The following PARP1 variants were observed in gnomAD, a reference collection of about 807,000 sequenced individuals.
PARP1 encodes poly(ADP-ribose) polymerase 1.
Under a neutral mutation model 118.7 loss-of-function variants are expected in PARP1, and 44 were observed. That is an observed-to-expected ratio of 0.37 (90% CI 0.29 to 0.48). PARP1 has a LOEUF of 0.48. Ranked by LOEUF, PARP1 falls within the 20% of genes least tolerant of loss-of-function variation. The pLI is 0.99. For synonymous variants in PARP1, 492 were observed against 483.2 expected, an observed-to-expected ratio of 1.02 and a Z score of -0.24; for missense variants, 1,100 against 1,272.4, an observed-to-expected ratio of 0.86 and a Z score of 2.06.
chr1:226,394,864 T>C (rs937596852), intron 2 of PARP1, among the ~76,000 whole-genome samples: 1 of 152,234 alleles, frequency 6.6e-6, no homozygotes, highest in Non-Finnish European at 1.5e-5. Context: ...CTAACTTCTC[T>C]GTGCCTGAAC....
rs532306651 is a variant in PARP1 at position 226,381,519 on chromosome 1, T to C, written c.1160-311A>G. 1.5e-3 allele frequency among the ~76,000 whole-genome samples: 234 copies of C among 152,262 alleles called. 1 individual carries two copies. Among genetic ancestry groups the C allele is most frequent in the Admixed American group, 8.5e-4 (13 of 15,306 alleles). On this transcript the variant is annotated intron_variant, in intron 8 of 22. Coordinates refer to ENST00000366794, the MANE Select transcript of PARP1 (RefSeq NM_001618.4). ...AAGGTCAGGCTAGGAAGGCTGCATC[T>C]GCGGACGAGGGACCAGGAGGCTGGA...
chr1:226,380,987 G>T (rs974320382), intron 9 of PARP1, 81 bp downstream of exon 9: 2 of 1,507,218 alleles, frequency 1.3e-6, no homozygotes, highest in South Asian at 1.1e-5. Context: ...CGCTGTGTTC[G>T]ACTCTTCCTC....
intron 1 of PARP1, among the ~76,000 whole-genome samples, chr1:226,407,294 A>G (rs1665167514): frequency 6.6e-6 from 1 of 152,088 alleles, no homozygotes; most frequent in South Asian, 2.1e-4. Flanking sequence ...ACCTTTCTGC[A>G]TAGTTCTGCC....
At chr1:226,372,110 C>T (rs1383491570) in intron 14 of PARP1, among the ~76,000 whole-genome samples, 2 of 152,222 alleles carry the variant, frequency 1.3e-5, no homozygotes, top group African/African-American at 2.4e-5. Context: ...CGTGACTGCC[C>T]GGAACCCATT....
rs762714372 is a variant in PARP1, at chr1:226,370,478, T to C, written c.2110A>G (p.Arg704Gly). 6.2e-7 allele frequency: 1 copy of C among 1,613,932 alleles called. No individual in the cohort carries two copies. Among genetic ancestry groups the C allele is most frequent in the Non-Finnish European group, 8.5e-7 (1 of 1,179,872 alleles). Residue 704 changes from arginine (R) to glycine (G), a missense_variant, in exon 15 of 23, where the codon AGG becomes GGG. Around this residue, in one of 2 missense-constraint regions of PARP1, gnomAD observed 948 missense variants for 1,031.8 expected, o/e 0.92. Transcript: ENST00000366794. ...ATGGAGTATGCGGCCTGGATCTGCCTTTTGCTCAGCTTCCCCAAGGGCATC... is the reference window on the plus strand; with the variant it reads ...ATGGAGTATGCGGCCTGGATCTGCCCTTTGCTCAGCTTCCCCAAGGGCATC... The part of the protein sequence containing the change: ...QKMPLGKLSK[R>G]QIQAAYSILS...
At chr1:226,403,160 C>T (rs1264003780) in intron 1 of PARP1, among the ~76,000 whole-genome samples, 1 of 152,216 alleles carries the variant, frequency 6.6e-6, no homozygotes, top group Non-Finnish European at 1.5e-5. Context: ...TTCATTGTGA[C>T]AGGGTCAGGT....
In PARP1 at chr1:226,365,988, G is replaced by A. The variant is rs1324741810; in HGVS notation, c.2471C>T (p.Thr824Ile). 1.2e-6 allele frequency: 2 copies of A among 1,612,774 alleles called. No homozygotes were observed. Among genetic ancestry groups the A allele is most frequent in the Non-Finnish European group, 1.7e-6 (2 of 1,178,902 alleles). Residue 824 changes from threonine to isoleucine, a missense_variant, in exon 18 of 23, where the codon ACC (threonine) becomes ATC (isoleucine). This residue lies in a region of PARP1 where 948 missense variants were observed against 1,031.8 expected (regional missense o/e 0.92). Transcript: ENST00000366794. ...IRKYVKNTHA[T>I]THNAYDLEVI... ...TTCCAAGTCATACGCATTGTGTGTG[G>A]TTGCATGAGTGTTCTTAACATACTT...
intron 18 of PARP1, among the ~76,000 whole-genome samples, chr1:226,365,584 T>C (rs932751747): frequency 3.9e-5 from 6 of 152,148 alleles, no homozygotes; most frequent in South Asian, 2.1e-4. Context: ...CTGGCCAACA[T>C]AGTGAATCCC....
Position 226,381,063 on chromosome 1 carries a change from C to T in PARP1, c.1300+5G>A. 1 of 1,614,220 alleles carries T rather than the reference C, an allele frequency of 6.2e-7. No individual in the cohort carries two copies. The highest frequency in any genetic ancestry group is 8.5e-7 in the Non-Finnish European group (1 of 1,180,024). On this transcript the variant is annotated splice_donor_5th_base_variant and intron_variant, in intron 9 of 22. Transcript: ENST00000366794. The stretch of plus-strand genomic sequence containing the variant: ...CCCTGTTGCACAAATTCAGATTCAA[C>T]TCACTTTTGGTGCTGATGCACAGGG...
chr1:226,384,964 GCCCCACAAAGATACTGCTAGAA>G (rs1452472951), intron 7 of PARP1, among the ~76,000 whole-genome samples: 1 of 152,182 alleles, frequency 6.6e-6, no homozygotes, highest in African/African-American at 2.4e-5. Context: ...GGAGCAGCCA[GCCCCACAAAGATACTGCTAGAA>G]CCCCACCAGC....
chr1:226,402,010 T>C, intron 2 of PARP1: 1 of 1,489,786 alleles, frequency 6.7e-7, no homozygotes, highest in African/African-American at 1.4e-5. Flanking sequence ...TCCAAGCACC[T>C]GGAAAAACAA....
At chr1:226,371,318 T>C (rs1271721500) in intron 14 of PARP1, among the ~76,000 whole-genome samples, 1 of 152,202 alleles carries the variant, frequency 6.6e-6, no homozygotes, top group Non-Finnish European at 1.5e-5. Flanking sequence ...CTGAGCTCCC[T>C]GGGGGCCGTG....
intron 2 of PARP1, among the ~76,000 whole-genome samples, chr1:226,398,697 A>G (rs2102745303): frequency 6.6e-6 from 1 of 152,364 alleles, no homozygotes; most frequent in Non-Finnish European, 1.5e-5. Context: ...GCCAAAATCC[A>G]AAACAATGAT....
chr1:226,380,926 T>TC, intron 9 of PARP1, 142 bp downstream of exon 9: 1 of 916,456 alleles, frequency 1.1e-6, no homozygotes, highest in South Asian at 1.4e-5. Flanking sequence ...AATACTGGTT[T>TC]CCCTTCATAA....
intron 1 of PARP1, among the ~76,000 whole-genome samples, chr1:226,403,205 T>A (rs527352257): frequency 3.9e-4 from 60 of 152,342 alleles, no homozygotes; most frequent in Non-Finnish European, 6.9e-4. Flanking sequence ...TCTGGCTTTG[T>A]TTTTGAGACC....
intron 5 of PARP1, among the ~76,000 whole-genome samples, chr1:226,387,739 G>A (rs1432209700): frequency 2.0e-5 from 3 of 152,096 alleles, no homozygotes; most frequent in Admixed American, 6.5e-5. Flanking sequence ...GAACGCTGAG[G>A]GGCATTTTAA....
Position 226,363,137 on chromosome 1 carries a change from T to G in PARP1, c.2810A>C (p.His937Pro). 6.2e-7 allele frequency: 1 copy of G among 1,613,744 alleles called. No individual in the cohort carries two copies. The highest frequency in any genetic ancestry group is 1.3e-5 in the African/African-American group (1 of 75,038). Reference sequence around the variant, plus strand: ...CTTGCCCTTGGGTAACTTGCTGATATGTGAAGCGTGCTTCAGTTCATACCT... The same window carrying G: ...CTTGCCCTTGGGTAACTTGCTGATAGGTGAAGCGTGCTTCAGTTCATACCT... ...GNMYELKHASHISKLPKGKHS... is the reference protein window; with the variant it reads ...GNMYELKHASPISKLPKGKHS... Residue 937 changes from histidine (H) to proline (P), a missense_variant, in exon 21 of 23, where the codon CAT becomes CCT. By Grantham distance (77) the His-to-Pro change is moderately conservative. Around this residue, in one of 2 missense-constraint regions of PARP1, gnomAD observed 152 missense variants for 240.6 expected, o/e 0.63. Coordinates refer to ENST00000366794, the MANE Select transcript of PARP1 (RefSeq NM_001618.4).
At chr1:226,395,661 AG>A (rs1664899710) in intron 2 of PARP1, among the ~76,000 whole-genome samples, 1 of 152,220 alleles carries the variant, frequency 6.6e-6, no homozygotes, top group Non-Finnish European at 1.5e-5. Flanking sequence ...CAAAAAACAA[AG>A]TGCAGAAACC....
At chr1:226,369,137 C>G (rs1279088166) in intron 15 of PARP1, among the ~76,000 whole-genome samples, 1 of 152,226 alleles carries the variant, frequency 6.6e-6, no homozygotes, top group Non-Finnish European at 1.5e-5. Context: ...TGGGAAGAAG[C>G]TGGGGCCGAG....
Sources: allele counts gnomAD v4.1 joint callset (sites outside exome capture counted in the v4.1 genomes callset), GRCh38; gene constraint gnomAD v4.1.1; regional missense constraint gnomAD v4.1.1; transcripts MANE v1.5; gene names NCBI Gene and HGNC (gene_info 2026-07-23, HGNC 2026-07-21).